THAP6: variants seen among roughly 807,000 people sequenced by gnomAD.
THAP6 encodes the protein THAP domain-containing protein 6.
Under a neutral mutation model 20.0 loss-of-function variants are expected in THAP6, and 13 were observed. That is an observed-to-expected ratio of 0.65 (90% CI 0.42 to 1.03). The LOEUF (loss-of-function observed/expected upper bound fraction) is 1.03. Among genes scored for constraint, THAP6 ranks in the 50% least tolerant of loss-of-function variants. THAP6 has a pLI of 0.00. For missense variants in THAP6, 262 were observed against 261.6 expected (o/e 1.00, Z -0.01); for synonymous variants, 93 against 92.2 (o/e 1.01, Z -0.05).
chr4:75,513,978 A>G, upstream of THAP6: 1 of 587,474 alleles, frequency 1.7e-6, no homozygotes. Flanking sequence ...ATCACTTCCC[A>G]AGAAGGGTTT....
rs944226433 is a variant in THAP6 at position 75,529,478 on chromosome 4, A to T, written c.*2264A>T. 1 of 985,344 alleles carries T rather than the reference A, an allele frequency of 1.0e-6. No individual in the cohort carries two copies. Among genetic ancestry groups the T allele is most frequent in the African/African-American group, 1.7e-5 (1 of 57,244 alleles). 61.0% of individuals were successfully genotyped at this position (985,344 alleles called of 1,614,324 possible). Reference sequence around the variant, plus strand: ...AAAATATTGGTATCATTAAGGACCCAGAGCTGCCCATTTTCTCTTTGTTCT... The same window carrying T: ...AAAATATTGGTATCATTAAGGACCCTGAGCTGCCCATTTTCTCTTTGTTCT... On this transcript the variant is annotated 3_prime_UTR_variant, in exon 5 of 5. Transcript: ENST00000311638.
In THAP6 at chr4:75,527,688, G is replaced by C. The variant is rs542396038; in HGVS notation, c.*474G>C. 1.0e-5 allele frequency: 10 copies of C among 991,394 alleles called. No homozygotes were observed. The highest frequency in any genetic ancestry group is 3.5e-5 in the African/African-American group (2 of 57,252). 61.4% of individuals were successfully genotyped at this position (991,394 alleles called of 1,614,324 possible). On this transcript the variant is annotated 3_prime_UTR_variant, in exon 5 of 5. Transcript: ENST00000311638. ...ATCCATCTTGGATTCAATCCAAGGT[G>C]CTTTAGCTATCAGTAGTACCAAAGG...
chr4:75,535,251 A>G (rs1726818182), intron 2 of THAP6, among the ~76,000 whole-genome samples: 1 of 152,238 alleles, frequency 6.6e-6, no homozygotes, highest in Admixed American at 6.5e-5. Context: ...ACAAGATGAA[A>G]TTTAGGTGGG....
rs1726071688 is a variant in THAP6, at chr4:75,522,089, G to A, written c.414+228G>A. On this transcript the variant is annotated intron_variant, in intron 4 of 4. Coordinates refer to ENST00000311638, the MANE Select transcript of THAP6 (RefSeq NM_144721.6). ...GTTCACTGAAGAAGGCTTTTGCAAG[G>A]ATATTTCTACCAAGGAAATAATTCT... 6.6e-6 allele frequency: 3 copies of A among 453,280 alleles called. No homozygotes were observed. The Admixed American group carries it at 1.1e-4, about 17-fold the overall frequency. The allele number at this position is 453,280 out of a possible 1,614,324, so 28.1% of individuals were successfully genotyped here. A position where few individuals can be genotyped will look rare whatever the true frequency, so the allele number is the denominator to read the frequency against.
chr4:75,522,857 G>T (rs564140479), intron 4 of THAP6, among the ~76,000 whole-genome samples: 2 of 152,018 alleles, frequency 1.3e-5, no homozygotes, highest in African/African-American at 2.4e-5. Flanking sequence ...GGACACTTAG[G>T]TTTTTTCCAA....
intron 4 of THAP6, among the ~76,000 whole-genome samples, chr4:75,526,541 T>C (rs1030976654): frequency 6.6e-6 from 1 of 152,190 alleles, no homozygotes; most frequent in Non-Finnish European, 1.5e-5. Flanking sequence ...GAGAACCTGC[T>C]GCAGTACTCT....
chr4:75,528,613 G>A lies in THAP6; in HGVS notation c.*1399G>A, dbSNP rs1311586624. ...GTATTTAAGAATTTTCTGTTTTAAT[G>A]CATGTTATACTTTTATGTAGGATTC... On this transcript the variant is annotated 3_prime_UTR_variant, in exon 5 of 5. Transcript: ENST00000311638. 1.0e-6 allele frequency: 1 copy of A among 984,488 alleles called. No individual in the cohort carries two copies. The highest frequency in any genetic ancestry group is 1.2e-6 in the Non-Finnish European group (1 of 829,254). 61.0% of individuals were successfully genotyped at this position (984,488 alleles called of 1,614,324 possible). A position where few individuals can be genotyped will look rare whatever the true frequency, so the allele number is the denominator to read the frequency against.
At chr4:75,543,536 G>A (rs774109020) in intron 3 of THAP6, among the ~76,000 whole-genome samples, 7 of 152,196 alleles carry the variant, frequency 4.6e-5, no homozygotes, top group East Asian at 1.9e-4. Flanking sequence ...GGACTAGTTC[G>A]GACTGAGTCT....
chr4:75,546,623 TAAGG>T (rs1727132185), intron 3 of THAP6, among the ~76,000 whole-genome samples: 1 of 152,172 alleles, frequency 6.6e-6, no homozygotes, highest in Non-Finnish European at 1.5e-5. Context: ...AGGTTTAGTT[TAAGG>T]AAGTACCTCA....
chr4:75,524,320 A>G (rs1309050674), intron 4 of THAP6, among the ~76,000 whole-genome samples: 1 of 152,176 alleles, frequency 6.6e-6, no homozygotes, highest in Non-Finnish European at 1.5e-5. Flanking sequence ...ATTTTTGTTT[A>G]AACAGTAAAT....
Position 75,527,431 on chromosome 4 carries a change from C to G in THAP6, c.*217C>G, listed in dbSNP as rs17000608. The G allele has an allele frequency of 1.6e-3, 2,161 of 1,332,364 alleles. 37 individuals are homozygous for G. The Admixed American group carries it at 0.045, about 28-fold the overall frequency. The allele number at this position is 1,332,364 out of a possible 1,614,324, so 82.5% of individuals were successfully genotyped here. ...TCTTGTGACAATTATGTTTTATAGA[C>G]CTACACTAGTGCCAGGTCACTATTG... is the stretch of plus-strand genomic sequence containing the variant. On this transcript the variant is annotated 3_prime_UTR_variant, in exon 5 of 5. Coordinates refer to ENST00000311638, the MANE Select transcript of THAP6 (RefSeq NM_144721.6).
At chr4:75,522,802 A>T (rs1039343095) in intron 4 of THAP6, among the ~76,000 whole-genome samples, 1 of 152,170 alleles carries the variant, frequency 6.6e-6, no homozygotes, top group Non-Finnish European at 1.5e-5. Flanking sequence ...ATAGTACTCC[A>T]TGGTGTTTAA....
intron 2 of THAP6, among the ~76,000 whole-genome samples, chr4:75,540,938 T>C (rs953187794): frequency 1.1e-4 from 16 of 152,294 alleles, no homozygotes; most frequent in Admixed American, 1.0e-3. Context: ...TATTGAGATG[T>C]ACAATTCAAG....
At chr4:75,532,751 G>A (rs1004901058), downstream of THAP6, among the ~76,000 whole-genome samples, 1 of 152,186 alleles carries the variant, frequency 6.6e-6, no homozygotes, top group African/African-American at 2.4e-5. Flanking sequence ...AGCTGCCAAG[G>A]CTTGAGACTT....
chr4:75,521,882 G>C (rs200062116), intron 4 of THAP6, 21 bp downstream of exon 4: 1 of 1,612,726 alleles, frequency 6.2e-7, no homozygotes, highest in East Asian at 2.2e-5. Flanking sequence ...TACTTGCTGA[G>C]CTCATGTTAA....
intron 2 of THAP6, 41 bp from the exon 3 acceptor site, chr4:75,516,731 T>C (rs749193562): frequency 3.9e-6 from 6 of 1,546,580 alleles, no homozygotes; most frequent in Non-Finnish European, 3.5e-6. Context: ...TATATAGCAA[T>C]AGTATTTGAT....
chr4:75,544,961 C>T (rs1396655627), intron 3 of THAP6, among the ~76,000 whole-genome samples: 1 of 152,118 alleles, frequency 6.6e-6, no homozygotes, highest in African/African-American at 2.4e-5. Context: ...AATTCTGGAG[C>T]CAAATTGCCT....
chr4:75,545,390 G>T (rs185372374), intron 3 of THAP6, among the ~76,000 whole-genome samples: 2 of 152,174 alleles, frequency 1.3e-5, no homozygotes, highest in Non-Finnish European at 2.9e-5. Context: ...CAGGCCTCAG[G>T]CTCCTGCTCT....
Position 75,515,524 on chromosome 4 carries a change from AT to A in THAP6, c.75del (p.His26ThrfsTer15). ...CAAATTCGAAGTTAAAAGGACTGAC[AT>A]TTCACGTGTAAGATTTTGCTGTAGT... Reference protein sequence around the residue: ...LPNSKLKGLTFHVFPTDENIK... With the variant: ...LPNSKLKGLTXHVFPTDENIK... On this transcript the variant is annotated frameshift_variant, in exon 2 of 5. Coordinates refer to ENST00000311638, the MANE Select transcript of THAP6 (RefSeq NM_144721.6). LOFTEE classifies it high-confidence loss of function. 1 of 1,613,750 alleles carries A rather than the reference AT, an allele frequency of 6.2e-7. No individual in the cohort carries two copies. Among genetic ancestry groups the A allele is most frequent in the Non-Finnish European group, 8.5e-7 (1 of 1,179,680 alleles).
Sources: allele counts gnomAD v4.1 joint callset (sites outside exome capture counted in the v4.1 genomes callset), GRCh38; gene constraint gnomAD v4.1.1; transcripts MANE v1.5; gene names NCBI Gene and HGNC (gene_info 2026-07-23, HGNC 2026-07-21).